Variants in TBL1XR1 observed in about 807,000 individuals in gnomAD.
TBL1XR1 encodes TBL1X/Y related 1, also known as F-box-like/WD repeat-containing protein TBL1XR1.
A neutral mutation model predicts 66.9 loss-of-function variants in TBL1XR1; 5 were observed. The observed-to-expected ratio is 0.07, with a 90% CI of 0.04 to 0.16. TBL1XR1 has a LOEUF of 0.16. Ranked by LOEUF, TBL1XR1 falls within the 10% of genes least tolerant of loss-of-function variation. The pLI, the probability that TBL1XR1 is intolerant of heterozygous loss-of-function variation, is 1.00. For synonymous variants in TBL1XR1, 210 were observed against 206.0 expected, an observed-to-expected ratio of 1.02 and a Z score of -0.17; for missense variants, 238 against 623.2, an observed-to-expected ratio of 0.38 and a Z score of 6.58.
chr3:177,088,206 TA>T (rs1271380124), intron 2 of TBL1XR1, among the ~76,000 whole-genome samples: 1 of 152,132 alleles, frequency 6.6e-6, no homozygotes, highest in Non-Finnish European at 1.5e-5. Flanking sequence ...CACCCCAATC[TA>T]AAAATTCAAA....
chr3:177,177,080 C>T (rs760213625), intron 1 of TBL1XR1, among the ~76,000 whole-genome samples: 2 of 152,196 alleles, frequency 1.3e-5, no homozygotes, highest in South Asian at 2.1e-4. Context: ...TGACTCAATG[C>T]TCTTCCCAAT....
At chr3:177,126,973 GT>G (rs1293168007) in intron 1 of TBL1XR1, among the ~76,000 whole-genome samples, 1 of 152,120 alleles carries the variant, frequency 6.6e-6, no homozygotes, top group Non-Finnish European at 1.5e-5. Flanking sequence ...GCAAAACCCA[GT>G]TTCAGCAAAA....
rs1290310392 is a variant in TBL1XR1 at position 177,099,104 on chromosome 3, C to T, written c.-121-563G>A. 3.3e-5 allele frequency among the ~76,000 whole-genome samples: 5 copies of T among 152,244 alleles called. No homozygotes were observed. In the South Asian group the frequency reaches 8.3e-4, roughly 25 times the overall value. ...CTTTGCAGCCAGGCGCGGTGGCTCACGCCTGTAATCCCAGCACTTTGGGAG... is the reference window on the plus strand; with the variant it reads ...CTTTGCAGCCAGGCGCGGTGGCTCATGCCTGTAATCCCAGCACTTTGGGAG... On this transcript the variant is annotated intron_variant, in intron 1 of 15. Coordinates refer to ENST00000457928, the MANE Select transcript of TBL1XR1 (RefSeq NM_024665.7).
intron 1 of TBL1XR1, chr3:177,131,319 G>A (rs1728267917): frequency 1.0e-6 from 1 of 984,922 alleles, no homozygotes; most frequent in African/African-American, 1.7e-5. Context: ...GAGAGTCCAG[G>A]AAAAATAAAG....
At chr3:177,197,757 G>A (rs1415735068), upstream of TBL1XR1, among the ~76,000 whole-genome samples, 1 of 146,966 alleles carries the variant, frequency 6.8e-6, no homozygotes, top group East Asian at 2.0e-4. Context: ...GCCCGCTCTG[G>A]CGGCACTGGG....
At position 177,197,405 on chromosome 3, in the gene TBL1XR1, C is replaced by CG. The variant is rs930719223; in HGVS notation, c.-407dup. 7.9e-6 allele frequency: 1 copy of CG among 126,054 alleles called. No homozygotes were observed. The highest frequency in any genetic ancestry group is 2.9e-5 in the African/African-American group (1 of 35,000). 7.8% of individuals were successfully genotyped at this position (126,054 alleles called of 1,614,324 possible). ...GCCGGCGGCGGGGGGAGGCGGCGCG[C>CG]GGGGGAAGGGCGCGAGCGGGGAGAG... is the stretch of plus-strand genomic sequence containing the variant. On this transcript the variant is annotated 5_prime_UTR_variant, in exon 1 of 16. Coordinates refer to ENST00000457928, the MANE Select transcript of TBL1XR1 (RefSeq NM_024665.7).
intron 2 of TBL1XR1, among the ~76,000 whole-genome samples, chr3:177,067,879 A>G (rs1168200267): frequency 6.6e-6 from 1 of 152,214 alleles, no homozygotes; most frequent in Admixed American, 6.5e-5. Flanking sequence ...TGAACGCTCT[A>G]GGATGTGATG....
chr3:177,092,989 C>G (rs891631601), intron 2 of TBL1XR1, among the ~76,000 whole-genome samples: 5 of 152,028 alleles, frequency 3.3e-5, no homozygotes, highest in Non-Finnish European at 7.4e-5. Context: ...GAAAAGACAT[C>G]AAGGGCATCC....
In TBL1XR1 at chr3:177,098,488, G is replaced by T; in HGVS notation, c.-68C>A. ...TACCATTGGCAGTGCATTGATGTGG[G>T]GATGTGCAACTGAATATCCGGTCAC... is the stretch of plus-strand genomic sequence containing the variant. On this transcript the variant is annotated 5_prime_UTR_variant, in exon 2 of 16. Transcript: ENST00000457928. 1.0e-6 allele frequency: 1 copy of T among 985,816 alleles called. No homozygotes were observed. The allele number at this position is 985,816 out of a possible 1,614,324, so 61.1% of individuals were successfully genotyped here.
At chr3:177,171,627 C>G (rs1010423605) in intron 1 of TBL1XR1, among the ~76,000 whole-genome samples, 1 of 134,314 alleles carries the variant, frequency 7.4e-6, no homozygotes, top group Non-Finnish European at 1.5e-5. Flanking sequence ...GGTGTGAACC[C>G]GGGAGGCGGA....
At chr3:177,104,303 A>G (rs1380820967) in intron 1 of TBL1XR1, among the ~76,000 whole-genome samples, 1 of 152,222 alleles carries the variant, frequency 6.6e-6, no homozygotes, top group Admixed American at 6.5e-5. Flanking sequence ...CTAATGGAAC[A>G]ATTAAATATA....
intron 1 of TBL1XR1, among the ~76,000 whole-genome samples, chr3:177,132,845 T>G (rs148521123): frequency 6.6e-6 from 1 of 152,214 alleles, no homozygotes; most frequent in Non-Finnish European, 1.5e-5. Context: ...GAGAGCCTTA[T>G]GAATTCAGAT....
At chr3:177,134,963 G>GTC (rs1728733130) in intron 1 of TBL1XR1, among the ~76,000 whole-genome samples, 1 of 138,856 alleles carries the variant, frequency 7.2e-6, no homozygotes, top group Admixed American at 7.6e-5. Flanking sequence ...GTGTGTGTGT[G>GTC]TGTCTGTGTG....
intron 1 of TBL1XR1, among the ~76,000 whole-genome samples, chr3:177,111,146 T>C (rs1725508514): frequency 6.6e-6 from 1 of 152,046 alleles, no homozygotes; most frequent in South Asian, 2.1e-4. Flanking sequence ...CACCTCTCCC[T>C]ACTATCATCA....
intron 3 of TBL1XR1, among the ~76,000 whole-genome samples, chr3:177,058,364 G>A (rs1333612266): frequency 6.6e-6 from 1 of 152,160 alleles, no homozygotes; most frequent in African/African-American, 2.4e-5. Flanking sequence ...TGTTATTGAA[G>A]AGCTAGATCT....
At chr3:177,155,036 T>C (rs1482572768) in intron 1 of TBL1XR1, among the ~76,000 whole-genome samples, 1 of 151,898 alleles carries the variant, frequency 6.6e-6, no homozygotes, top group Non-Finnish European at 1.5e-5. Context: ...AAAGAAGAAA[T>C]CACAATGAAA....
intron 3 of TBL1XR1, among the ~76,000 whole-genome samples, chr3:177,058,750 T>C (rs1401416892): frequency 6.6e-6 from 1 of 152,348 alleles, no homozygotes; most frequent in East Asian, 1.9e-4. Flanking sequence ...TGTTTCCTTA[T>C]ACTCTCGCTA....
intron 14 of TBL1XR1, among the ~76,000 whole-genome samples, chr3:177,030,460 T>C (rs1444063128): frequency 1.3e-5 from 2 of 152,060 alleles, no homozygotes; most frequent in African/African-American, 4.8e-5. Flanking sequence ...TTAATTACAA[T>C]TTTACCACAG....
chr3:177,147,148 G>A (rs1396901584), intron 1 of TBL1XR1, among the ~76,000 whole-genome samples: 4 of 151,864 alleles, frequency 2.6e-5, no homozygotes, highest in Admixed American at 2.6e-4. Flanking sequence ...CTGGACTCAA[G>A]GGATCACCAC....
Sources: allele counts gnomAD v4.1 joint callset (sites outside exome capture counted in the v4.1 genomes callset), GRCh38; gene constraint gnomAD v4.1.1; transcripts MANE v1.5; gene names NCBI Gene and HGNC (gene_info 2026-07-23, HGNC 2026-07-21).